Variants in ANO5 observed in about 807,000 individuals in gnomAD.
ANO5 encodes the protein anoctamin 5.
A neutral mutation model predicts 121.0 loss-of-function variants in ANO5; 109 were observed. That is an observed-to-expected ratio of 0.90 (90% CI 0.77 to 1.06). ANO5 has a LOEUF of 1.06. Among genes scored for constraint, ANO5 ranks in the 50% least tolerant of loss-of-function variants. ANO5 has a pLI of 0.00. For missense variants in ANO5, 1,064 were observed against 1,078.5 expected, an observed-to-expected ratio of 0.99 and a Z score of 0.19; for synonymous variants, 406 against 359.9, an observed-to-expected ratio of 1.13 and a Z score of -1.45.
chr11:22,232,948 G>A lies in ANO5; in HGVS notation c.649-3215G>A, dbSNP rs996799753. 3.3e-5 allele frequency among the ~76,000 whole-genome samples: 5 copies of A among 152,088 alleles called. No homozygotes were observed. The South Asian group carries it at 1.0e-3, about 32-fold the overall frequency. ...GAATCATTTCACATTCTAGAAAACT[G>A]TTTATTACACAGAACTACTCTTTAC... On this transcript the variant is annotated intron_variant, in intron 7 of 21. Transcript: ENST00000324559.
intron 7 of ANO5, among the ~76,000 whole-genome samples, chr11:22,233,984 C>T (rs974923406): frequency 0.011 from 1,740 of 152,158 alleles, 34 homozygotes; most frequent in African/African-American, 0.039. Context: ...ATAACACTGG[C>T]AAAGCCGTAT....
chr11:22,215,899 A>G (rs1463937424), intron 3 of ANO5, among the ~76,000 whole-genome samples: 2 of 151,872 alleles, frequency 1.3e-5, no homozygotes, highest in Non-Finnish European at 2.9e-5. Context: ...AGTATACACT[A>G]TTTTGTATAT....
Position 22,274,797 on chromosome 11 carries a change from A to G in ANO5, c.2414+50A>G, listed in dbSNP as rs373149847. 359 of 1,583,566 alleles carry G rather than the reference A, an allele frequency of 2.3e-4. 3 individuals carry two copies. Among genetic ancestry groups the G allele is most frequent in the Non-Finnish European group, 4.1e-5 (48 of 1,158,978 alleles). ...GGTTTTAGTTTTATCCCTTAAGCGT[A>G]TTTCTTAAGTTATCTATTACCTTTC... On this transcript the variant is annotated intron_variant, in intron 20 of 21. Coordinates refer to ENST00000324559, the MANE Select transcript of ANO5 (RefSeq NM_213599.3).
intron 9 of ANO5, among the ~76,000 whole-genome samples, chr11:22,243,339 T>A (rs562662332): frequency 6.6e-6 from 1 of 152,152 alleles, no homozygotes; most frequent in South Asian, 2.1e-4. Context: ...ACAACTTTTG[T>A]GTCTGTATTC....
In ANO5 at chr11:22,276,239, C is replaced by A. The variant is rs746627064; in HGVS notation, c.2520+40C>A. Reference sequence around the variant, plus strand: ...ACTTTCATTCGAGTTACTCTCTTCTCTCTTTAGGCAGATATTTCTAAAGGT... The same window carrying A: ...ACTTTCATTCGAGTTACTCTCTTCTATCTTTAGGCAGATATTTCTAAAGGT... On this transcript the variant is annotated intron_variant, in intron 21 of 21. Transcript: ENST00000324559. The A allele has an allele frequency of 1.6e-5, 24 of 1,461,580 alleles. No homozygotes were observed. In the Admixed American group the frequency reaches 3.9e-4, roughly 24 times the overall value. The allele number at this position is 1,461,580 out of a possible 1,614,324, so 90.5% of individuals were successfully genotyped here.
At chr11:22,274,269 T>C (rs891637005) in intron 19 of ANO5, among the ~76,000 whole-genome samples, 2 of 151,566 alleles carry the variant, frequency 1.3e-5, no homozygotes, top group African/African-American at 4.8e-5. Flanking sequence ...TGTGAAACAA[T>C]AAGAAATGTA....
intron 21 of ANO5, among the ~76,000 whole-genome samples, chr11:22,276,496 A>C (rs1365808620): frequency 6.6e-6 from 1 of 151,784 alleles, no homozygotes; most frequent in South Asian, 2.1e-4. Flanking sequence ...GAGAATACCT[A>C]TTACTTACTA....
At chr11:22,234,021 G>C (rs1403667321) in intron 7 of ANO5, among the ~76,000 whole-genome samples, 1 of 152,070 alleles carries the variant, frequency 6.6e-6, no homozygotes, top group Non-Finnish European at 1.5e-5. Flanking sequence ...ATTCTTCAAA[G>C]AAATTCTTAA....
intron 5 of ANO5, among the ~76,000 whole-genome samples, chr11:22,225,782 G>A (rs1354781000): frequency 6.6e-6 from 1 of 151,950 alleles, no homozygotes; most frequent in African/African-American, 2.4e-5. Context: ...GATTATTCCT[G>A]GATATACTGC....
chr11:22,248,386 AG>A (rs1337500807), intron 9 of ANO5, among the ~76,000 whole-genome samples: 1 of 152,088 alleles, frequency 6.6e-6, no homozygotes, highest in Non-Finnish European at 1.5e-5. Flanking sequence ...GAGCTTTTGT[AG>A]AGTGTCTCAT....
rs1182641470 is a variant in ANO5, at chr11:22,274,549, T to C, written c.2236-20T>C. 2.3e-6 allele frequency: 1 copy of C among 443,398 alleles called. No individual in the cohort carries two copies. Among genetic ancestry groups the C allele is most frequent in the Middle Eastern group, 4.2e-4 (1 of 2,370 alleles). The allele number at this position is 443,398 out of a possible 1,614,324, so 27.5% of individuals were successfully genotyped here. A position where few individuals can be genotyped will look rare whatever the true frequency, so the allele number is the denominator to read the frequency against. ...AAATTGGCAGCTGATGATCTTCCTC[T>C]TTTTTTTTTTATTCTTCAGGCCTTT... On this transcript the variant is annotated intron_variant, in intron 19 of 21. Transcript: ENST00000324559.
intron 1 of ANO5, among the ~76,000 whole-genome samples, chr11:22,201,336 A>C (rs1250825977): frequency 2.6e-5 from 4 of 152,222 alleles, no homozygotes; most frequent in Non-Finnish European, 4.4e-5. Context: ...TTGCGGATAA[A>C]AAGATAGTAA....
chr11:22,259,000 G>A (rs1041145722), intron 14 of ANO5, among the ~76,000 whole-genome samples: 2 of 152,014 alleles, frequency 1.3e-5, no homozygotes, highest in Non-Finnish European at 2.9e-5. Context: ...GGGTGTGGTG[G>A]CGGTCACCTG....
intron 14 of ANO5, among the ~76,000 whole-genome samples, chr11:22,259,264 CTAGAGGATGAGCA>C (rs1854107589): frequency 6.6e-6 from 1 of 152,104 alleles, no homozygotes; most frequent in Admixed American, 6.6e-5. Context: ...GAGGATGAGC[CTAGAGGATGAGCA>C]ATGAATACGT....
At chr11:22,237,809 C>T (rs1853277166) in intron 8 of ANO5, among the ~76,000 whole-genome samples, 1 of 151,874 alleles carries the variant, frequency 6.6e-6, no homozygotes, top group Non-Finnish European at 1.5e-5. Context: ...CCCTTGAACA[C>T]ATATATAGTA....
chr11:22,251,905 C>CTGTA (rs1310820118), intron 12 of ANO5, among the ~76,000 whole-genome samples: 1 of 151,668 alleles, frequency 6.6e-6, no homozygotes, highest in Non-Finnish European at 1.5e-5. Flanking sequence ...TGGCAGGTGC[C>CTGTA]TGTAGTTCCA....
chr11:22,228,375 A>C (rs1166441492), intron 7 of ANO5, among the ~76,000 whole-genome samples: 2 of 151,930 alleles, frequency 1.3e-5, no homozygotes, highest in Non-Finnish European at 2.9e-5. Flanking sequence ...TATGATTGAC[A>C]CATAATTGTA....
chr11:22,220,237 T>C (rs7104907), intron 4 of ANO5, among the ~76,000 whole-genome samples: 2,723 of 152,096 alleles, frequency 0.018, 83 homozygotes, highest in African/African-American at 0.062. Context: ...AACTATCTAA[T>C]TGACAGCCAC....
intron 9 of ANO5, among the ~76,000 whole-genome samples, chr11:22,241,299 G>A (rs897797501): frequency 1.5e-3 from 20 of 13,150 alleles, no homozygotes; most frequent in Non-Finnish European, 2.8e-3. Context: ...CACCATTAAT[G>A]GTCACCCAGG....
Sources: gnomAD v4.1 joint callset for allele counts (sites outside exome capture counted in the v4.1 genomes callset) on GRCh38, gnomAD v4.1.1 for gene constraint, MANE v1.5 for transcripts, NCBI Gene and HGNC (gene_info 2026-07-23, HGNC 2026-07-21) for gene names.